Variants in CPLX3 observed in about 807,000 individuals in gnomAD.
CPLX3 encodes the protein complexin-3.
A neutral mutation model predicts 17.2 loss-of-function variants in CPLX3; 12 were observed. The observed-to-expected ratio is 0.70, with a 90% CI of 0.45 to 1.13. The LOEUF is 1.13. Among genes scored for constraint, CPLX3 ranks in the 50% most tolerant of loss-of-function variants. The pLI, the probability that CPLX3 is intolerant of heterozygous loss-of-function variation, is 0.00. For missense variants in CPLX3, 172 were observed against 203.2 expected (o/e 0.85, Z 0.93); for synonymous variants, 75 against 79.4 (o/e 0.94, Z 0.29).
At position 74,826,658 on chromosome 15, in the gene CPLX3, C is replaced by T; in HGVS notation, c.-46C>T. 1 of 1,586,490 alleles carries T rather than the reference C, an allele frequency of 6.3e-7. No homozygotes were observed. ...GAAGTAGGCGCGGACGTGCCCGGTG[C>T]CTGGCGCGTGGTAGCAGGCGCCCGG... On this transcript the variant is annotated 5_prime_UTR_variant, in exon 1 of 3. Transcript: ENST00000395018. This position sits in a 1 kb window ranked among gnomAD's most constrained non-coding sequence, Gnocchi z 5.0.
chr15:74,827,430 C>G (rs2063948978), intron 1 of CPLX3, among the ~76,000 whole-genome samples: 1 of 152,212 alleles, frequency 6.6e-6, no homozygotes, highest in Admixed American at 6.5e-5. Context: ...CTTTCTGTGC[C>G]TCTGTTTCCT....
intron 1 of CPLX3, 81 bp from the exon 2 acceptor site, chr15:74,827,953 G>T: frequency 8.7e-7 from 1 of 1,151,760 alleles, no homozygotes; most frequent in South Asian, 1.3e-5. Flanking sequence ...AGGACTCAGA[G>T]ACCCCTTCTG....
In CPLX3 at chr15:74,826,844, T is replaced by A; in HGVS notation, c.141T>A (p.Tyr47Ter). The A allele has an allele frequency of 1.9e-6, 3 of 1,600,896 alleles. No homozygotes were observed. The highest frequency in any genetic ancestry group is 2.6e-6 in the Non-Finnish European group (3 of 1,173,772). ...QGMSREEYEE[Y>*]QKQLVEEKME... ...TGAGCCGGGAGGAGTACGAGGAGTA[T>A]CAGAAGCAACTCGTGGAAGAGAAGT... Residue 47 changes from tyrosine (Y) to a stop codon, truncating the protein, a stop_gained, in exon 1 of 3, where the codon TAT becomes TAA. Transcript: ENST00000395018. LOFTEE classifies it high-confidence loss of function. This position sits in a 1 kb window ranked among gnomAD's most constrained non-coding sequence, Gnocchi z 5.0.
chr15:74,827,191 G>T (rs1353894727), intron 1 of CPLX3, among the ~76,000 whole-genome samples: 1 of 152,200 alleles, frequency 6.6e-6, no homozygotes, highest in Non-Finnish European at 1.5e-5. Context: ...GGTCCCAGCC[G>T]CCTATGTCTT....
intron 2 of CPLX3, among the ~76,000 whole-genome samples, chr15:74,829,092 C>T (rs1596382633): frequency 1.3e-5 from 2 of 152,242 alleles, no homozygotes; most frequent in African/African-American, 2.4e-5. Flanking sequence ...TTTACTGAGT[C>T]CCCAGCTGCT....
chr15:74,830,047 C>A, intron 2 of CPLX3, 83 bp from the exon 3 acceptor site: 1 of 1,054,154 alleles, frequency 9.5e-7, no homozygotes, highest in Non-Finnish European at 1.4e-6. Context: ...GGAACCCAGT[C>A]CAAGCCTCCT....
chr15:74,830,482 A>C lies in CPLX3; in HGVS notation c.*128A>C. 1.4e-6 allele frequency: 1 copy of C among 727,898 alleles called. No individual in the cohort carries two copies. The highest frequency in any genetic ancestry group is 1.8e-5 in the South Asian group (1 of 54,942). 45.1% of individuals were successfully genotyped at this position (727,898 alleles called of 1,614,324 possible). ...CCATCCTAGTTCCAAGACCTTTCCC[A>C]TCCATGCCCCAAGCCTATCTTCTGG... On this transcript the variant is annotated 3_prime_UTR_variant, in exon 3 of 3. Coordinates refer to ENST00000395018, the MANE Select transcript of CPLX3 (RefSeq NM_001030005.3).
intron 2 of CPLX3, among the ~76,000 whole-genome samples, chr15:74,828,631 A>T: frequency 6.6e-6 from 1 of 152,248 alleles, no homozygotes; most frequent in Non-Finnish European, 1.5e-5. Context: ...CCACAGCGAC[A>T]AAAGATGAAA....
At chr15:74,827,778 T>A (rs1232098881) in intron 1 of CPLX3, among the ~76,000 whole-genome samples, 1 of 152,120 alleles carries the variant, frequency 6.6e-6, no homozygotes, top group East Asian at 1.9e-4. Flanking sequence ...GAGGGACAAA[T>A]AATTAGGATC....
chr15:74,827,355 A>G (rs1003971202), intron 1 of CPLX3, among the ~76,000 whole-genome samples: 6 of 152,198 alleles, frequency 3.9e-5, no homozygotes, highest in African/African-American at 7.2e-5. Flanking sequence ...CTCTGCTGCT[A>G]GGCTACTTGG....
rs763638070 is a variant in CPLX3 at position 74,830,308 on chromosome 15, C to T, written c.431C>T (p.Thr144Ile). The change falls in exon 3 of 3, where the codon ACA becomes ATA. Residue 144 changes from threonine (T) to isoleucine (I), a missense_variant. Transcript: ENST00000395018. The stretch of plus-strand genomic sequence containing the variant: ...TCACTCAAGGACAAGGCCCAGGCCA[C>T]ACTGGGGGATCTCAAGCAATCAGCT... ...LGSLKDKAQA[T>I]LGDLKQSAEK... 2.5e-6 allele frequency: 4 copies of T among 1,613,848 alleles called. No individual in the cohort carries two copies. The highest frequency in any genetic ancestry group is 2.2e-5 in the East Asian group (1 of 44,882).
In CPLX3 at chr15:74,830,739, A is replaced by G. The variant is rs1305968101; in HGVS notation, c.*385A>G. The G allele has an allele frequency of 1.1e-5, 2 of 185,566 alleles. No homozygotes were observed. The highest frequency in any genetic ancestry group is 1.1e-5 in the Non-Finnish European group (1 of 87,680). The allele number at this position is 185,566 out of a possible 1,614,324, so 11.5% of individuals were successfully genotyped here. A position where few individuals can be genotyped will look rare whatever the true frequency, so the allele number is the denominator to read the frequency against. On this transcript the variant is annotated 3_prime_UTR_variant, in exon 3 of 3. Coordinates refer to ENST00000395018, the MANE Select transcript of CPLX3 (RefSeq NM_001030005.3). ...CACAGATACATCCCGGCACAGACAGACACACACGAGGCCAGCTCCCTTGCG... is the reference window on the plus strand; with the variant it reads ...CACAGATACATCCCGGCACAGACAGGCACACACGAGGCCAGCTCCCTTGCG...
Position 74,830,519 on chromosome 15 carries a change from C to T in CPLX3, c.*165C>T. 1 of 623,866 alleles carries T rather than the reference C, an allele frequency of 1.6e-6. No homozygotes were observed. The highest frequency in any genetic ancestry group is 2.8e-6 in the Non-Finnish European group (1 of 356,732). The allele number at this position is 623,866 out of a possible 1,614,324, so 38.6% of individuals were successfully genotyped here. A position where few individuals can be genotyped will look rare whatever the true frequency, so the allele number is the denominator to read the frequency against. ...AGCCTATCTTCTGGTTTCTTCCTCT[C>T]CGCTGGGAGTAAAGTCCCCATCTTC... On this transcript the variant is annotated 3_prime_UTR_variant, in exon 3 of 3. Coordinates refer to ENST00000395018, the MANE Select transcript of CPLX3 (RefSeq NM_001030005.3).
chr15:74,828,174 G>C, intron 2 of CPLX3, 53 bp downstream of exon 2: 1 of 1,435,834 alleles, frequency 7.0e-7, no homozygotes, highest in Non-Finnish European at 9.6e-7. Flanking sequence ...TCTGGGTTCT[G>C]GACTCCTTCG....
In CPLX3 at chr15:74,831,760, T is replaced by A. The variant is rs1227108428; in HGVS notation, c.*1406T>A. ...AAAGGGTGACCATTTATAAAGCATA[T>A]GACAAACCATATCAATAAATGTAAC... On this transcript the variant is annotated 3_prime_UTR_variant, in exon 3 of 3. Coordinates refer to ENST00000395018, the MANE Select transcript of CPLX3 (RefSeq NM_001030005.3). 1.3e-5 allele frequency: 2 copies of A among 152,186 alleles called. No homozygotes were observed. The highest frequency in any genetic ancestry group is 2.9e-5 in the Non-Finnish European group (2 of 68,044). The allele number at this position is 152,186 out of a possible 1,614,324, so 9.4% of individuals were successfully genotyped here. A position where few individuals can be genotyped will look rare whatever the true frequency, so the allele number is the denominator to read the frequency against.
intron 2 of CPLX3, 96 bp from the exon 3 acceptor site, chr15:74,830,034 C>T: frequency 2.4e-6 from 2 of 848,020 alleles, no homozygotes; most frequent in South Asian, 3.3e-5. Context: ...AATCTAGGGG[C>T]CTGGAACCCA....
rs376756211 is a variant in CPLX3 at position 74,826,809 on chromosome 15, G to T, written c.106G>T (p.Ala36Ser). 15 of 1,604,580 alleles carry T rather than the reference G, an allele frequency of 9.3e-6. No individual in the cohort carries two copies. Among genetic ancestry groups the T allele is most frequent in the Non-Finnish European group, 1.3e-5 (15 of 1,175,496 alleles). Residue 36 changes from alanine to serine, a missense_variant, in exon 1 of 3, where the codon GCT (alanine) becomes TCT (serine). By Grantham distance (99) the Ala-to-Ser change is moderately conservative. Coordinates refer to ENST00000395018, the MANE Select transcript of CPLX3 (RefSeq NM_001030005.3). This position sits in a 1 kb window ranked among gnomAD's most constrained non-coding sequence, Gnocchi z 5.0. ...AGATGGGGACAAGTCGGCAGCCGAA[G>T]CTCAGGGCATGAGCCGGGAGGAGTA... ...KGDGDKSAAE[A>S]QGMSREEYEE...
In CPLX3 at chr15:74,826,953, C is replaced by A; in HGVS notation, c.164+86C>A. 8.2e-7 allele frequency: 1 copy of A among 1,221,714 alleles called. No homozygotes were observed. Among genetic ancestry groups the A allele is most frequent in the African/African-American group, 1.6e-5 (1 of 63,578 alleles). The allele number at this position is 1,221,714 out of a possible 1,614,324, so 75.7% of individuals were successfully genotyped here. A position where few individuals can be genotyped will look rare whatever the true frequency, so the allele number is the denominator to read the frequency against. ...TCCATCCCCGGGCCAGCCTCAGGTCCCAATCCCTTCTCCCCTACTTTCCTA... is the reference window on the plus strand; with the variant it reads ...TCCATCCCCGGGCCAGCCTCAGGTCACAATCCCTTCTCCCCTACTTTCCTA... On this transcript the variant is annotated intron_variant, in intron 1 of 2. Transcript: ENST00000395018. This position sits in a 1 kb window ranked among gnomAD's most constrained non-coding sequence, Gnocchi z 5.0.
At chr15:74,830,077 G>A in intron 2 of CPLX3, 53 bp from the exon 3 acceptor site, 1 of 1,401,988 alleles carries the variant, frequency 7.1e-7, no homozygotes, top group Middle Eastern at 2.2e-4. Flanking sequence ...CTCAACTCTG[G>A]GTCCTCACAG....
Sources: allele counts gnomAD v4.1 joint callset (sites outside exome capture counted in the v4.1 genomes callset), GRCh38; gene constraint gnomAD v4.1.1; non-coding constraint Gnocchi (gnomAD v3.1); transcripts MANE v1.5; gene names NCBI Gene and HGNC (gene_info 2026-07-23, HGNC 2026-07-21).